The following MSRA variants were observed in gnomAD, a reference collection of about 807,000 sequenced individuals.
MSRA encodes methionine sulfoxide reductase A.
A neutral mutation model predicts 31.3 loss-of-function variants in MSRA; 54 were observed. The ratio of observed to expected loss-of-function variants is 1.73; its 90% CI spans 1.39 to 2.17. The LOEUF is 2.17. MSRA is among the 30% of genes most tolerant of loss of function. The pLI, the probability that MSRA is intolerant of heterozygous loss-of-function variation, is 0.00. For missense variants in MSRA, 507 were observed against 300.9 expected, an observed-to-expected ratio of 1.69 and a Z score of -5.07; for synonymous variants, 169 against 116.5, an observed-to-expected ratio of 1.45 and a Z score of -2.90.
intron 1 of MSRA, among the ~76,000 whole-genome samples, chr8:10,098,100 A>G (rs868718796): frequency 2.0e-5 from 3 of 152,290 alleles, no homozygotes; most frequent in Middle Eastern, 6.8e-3. Context: ...TAGTTGTAAC[A>G]TAATGCATGC....
chr8:10,130,286 A>G lies in MSRA; in HGVS notation c.142+75628A>G, dbSNP rs117593761. The stretch of plus-strand genomic sequence containing the variant: ...ATTAGAGACTGCTCATTATTCTATC[A>G]TACAGGATAACAACTTTTCAGGGGA... On this transcript the variant is annotated intron_variant, in intron 1 of 5. Coordinates refer to ENST00000317173, the MANE Select transcript of MSRA (RefSeq NM_012331.5). Among the ~76,000 whole-genome samples, 989 of 152,332 alleles carry G rather than the reference A, an allele frequency of 6.5e-3. 10 individuals carry two copies. The highest frequency in any genetic ancestry group is 0.011 in the Non-Finnish European group (774 of 68,034).
intron 1 of MSRA, among the ~76,000 whole-genome samples, chr8:10,112,708 G>A (rs1029469130): frequency 6.6e-6 from 1 of 152,132 alleles, no homozygotes; most frequent in African/African-American, 2.4e-5. Flanking sequence ...TAAATTCCAC[G>A]ACAGAGAAAA....
intron 1 of MSRA, among the ~76,000 whole-genome samples, chr8:10,193,577 G>A (rs180675455): frequency 7.3e-4 from 111 of 152,274 alleles, no homozygotes; most frequent in African/African-American, 2.5e-3. Context: ...CCAGCAGTGT[G>A]TTTAAAGAGC....
chr8:10,261,456 G>A (rs1210206840), intron 3 of MSRA, among the ~76,000 whole-genome samples: 1 of 151,956 alleles, frequency 6.6e-6, no homozygotes, highest in Non-Finnish European at 1.5e-5. Flanking sequence ...AGCATTTTGG[G>A]AGGCTGAGAT....
intron 1 of MSRA, among the ~76,000 whole-genome samples, chr8:10,176,286 A>G (rs1009481103): frequency 6.6e-6 from 1 of 152,250 alleles, no homozygotes; most frequent in African/African-American, 2.4e-5. Flanking sequence ...AATCAGAAGC[A>G]TTTGTTCATC....
At position 10,279,148 on chromosome 8, in the gene MSRA, G is replaced by C. The variant is rs1799483236; in HGVS notation, c.332-22386G>C. ...GCTGCATGATCTTGCGTATCTGCTG[G>C]AGCCTCTGTCTCTTCATTAGTAAAA... On this transcript the variant is annotated intron_variant, in intron 3 of 5. Coordinates refer to ENST00000317173, the MANE Select transcript of MSRA (RefSeq NM_012331.5). Among the ~76,000 whole-genome samples the C allele has an allele frequency of 2.0e-5, 3 of 152,252 alleles. No homozygotes were observed. The South Asian group carries it at 6.2e-4, about 32-fold the overall frequency.
chr8:10,241,424 T>A (rs929562427), intron 2 of MSRA, among the ~76,000 whole-genome samples: 1 of 152,120 alleles, frequency 6.6e-6, no homozygotes, highest in Non-Finnish European at 1.5e-5. Context: ...TATGTTTAAA[T>A]GAATATGTTT....
Position 10,129,780 on chromosome 8 carries a change from T to C in MSRA, c.142+75122T>C, listed in dbSNP as rs554735077. Among the ~76,000 whole-genome samples the C allele has an allele frequency of 3.3e-4, 50 of 152,308 alleles. 1 individual carries two copies. The highest frequency in any genetic ancestry group is 6.8e-4 in the Non-Finnish European group (46 of 68,022). On this transcript the variant is annotated intron_variant, in intron 1 of 5. Coordinates refer to ENST00000317173, the MANE Select transcript of MSRA (RefSeq NM_012331.5). ...CATTCTGTGTTTGTAAGTGGCTGAG[T>C]TGAATCTGTCCAAACCAGCTTATAC...
At chr8:10,363,803 C>G (rs985455191) in intron 5 of MSRA, among the ~76,000 whole-genome samples, 1 of 134,348 alleles carries the variant, frequency 7.4e-6, no homozygotes, top group Non-Finnish European at 1.6e-5. Context: ...TGGTGCGCAC[C>G]CACCTGTAGT....
rs112720423 is a variant in MSRA, at chr8:10,385,812, T to TG, written c.544-42332dup. On this transcript the variant is annotated intron_variant, in intron 5 of 5. Transcript: ENST00000317173. Reference sequence around the variant, plus strand: ...ATGTTGTCACTCACCTGGTGGGGGGTGGGGTGTCTTCCTAAAAAAGCAGGT... The same window carrying TG: ...ATGTTGTCACTCACCTGGTGGGGGGTGGGGGTGTCTTCCTAAAAAAGCAGGT... Among the ~76,000 whole-genome samples the TG allele has an allele frequency of 2.0e-3, 293 of 145,882 alleles. 4 individuals are homozygous for TG. Among genetic ancestry groups the TG allele is most frequent in the African/African-American group, 6.8e-3 (274 of 40,102 alleles).
intron 3 of MSRA, among the ~76,000 whole-genome samples, chr8:10,274,618 C>G (rs370747646): frequency 3.9e-5 from 6 of 152,262 alleles, no homozygotes; most frequent in African/African-American, 1.4e-4. Context: ...AGAGGTCAGC[C>G]TACCCATTTA....
intron 3 of MSRA, among the ~76,000 whole-genome samples, chr8:10,279,382 A>G (rs1404429386): frequency 1.3e-5 from 2 of 152,202 alleles, no homozygotes; most frequent in Non-Finnish European, 2.9e-5. Context: ...GAAATCAGCA[A>G]TATCAAAGCT....
chr8:10,057,703 T>C (rs924021304), intron 1 of MSRA, among the ~76,000 whole-genome samples: 3 of 152,162 alleles, frequency 2.0e-5, no homozygotes, highest in Non-Finnish European at 4.4e-5. Flanking sequence ...TTTAAAAGTG[T>C]GTAGCTTGCC....
At chr8:10,178,029 T>A (rs1356655965) in intron 1 of MSRA, among the ~76,000 whole-genome samples, 1 of 152,216 alleles carries the variant, frequency 6.6e-6, no homozygotes, top group Non-Finnish European at 1.5e-5. Flanking sequence ...ACCTGCCTCT[T>A]TTTTCCAGGA....
At chr8:10,137,801 T>C (rs1802398998) in intron 1 of MSRA, among the ~76,000 whole-genome samples, 1 of 152,206 alleles carries the variant, frequency 6.6e-6, no homozygotes, top group African/African-American at 2.4e-5. Flanking sequence ...AAAACCATTA[T>C]GTTAATACGT....
intron 1 of MSRA, among the ~76,000 whole-genome samples, chr8:10,170,031 G>A (rs1275747992): frequency 4.3e-5 from 6 of 138,944 alleles, no homozygotes; most frequent in South Asian, 2.3e-4. Flanking sequence ...CTACCACTAC[G>A]CCTGGCTAAT....
intron 1 of MSRA, among the ~76,000 whole-genome samples, chr8:10,104,955 C>G (rs777782819): frequency 6.6e-6 from 1 of 152,120 alleles, no homozygotes; most frequent in Non-Finnish European, 1.5e-5. Context: ...GTTGGTAGTA[C>G]CAGACTTTAA....
chr8:10,180,701 T>G (rs543035122), intron 1 of MSRA, among the ~76,000 whole-genome samples: 1 of 152,298 alleles, frequency 6.6e-6, no homozygotes, highest in African/African-American at 2.4e-5. Flanking sequence ...CAAATACATA[T>G]TCCTTTTTGT....
chr8:10,307,468 G>C lies in MSRA; in HGVS notation c.436+5830G>C, dbSNP rs571794507. On this transcript the variant is annotated intron_variant, in intron 4 of 5. Transcript: ENST00000317173. ...AGAGGTGGCCACTGCGCCCAGCTGGGGTGCATATTTTTATGGATCCTCCAG... is the reference window on the plus strand; with the variant it reads ...AGAGGTGGCCACTGCGCCCAGCTGGCGTGCATATTTTTATGGATCCTCCAG... Among the ~76,000 whole-genome samples, 21 of 152,106 alleles carry C rather than the reference G, an allele frequency of 1.4e-4. No homozygotes were observed. In the South Asian group the frequency reaches 4.2e-3, roughly 30 times the overall value.
Sources: gnomAD v4.1 joint callset for allele counts (sites outside exome capture counted in the v4.1 genomes callset) on GRCh38, gnomAD v4.1.1 for gene constraint, MANE v1.5 for transcripts, NCBI Gene and HGNC (gene_info 2026-07-23, HGNC 2026-07-21) for gene names.